Variants in ITGA9 observed in about 807,000 individuals in gnomAD.
ITGA9 encodes the protein integrin subunit alpha 9, also known as integrin alpha-9.
ITGA9 carries 56 observed loss-of-function variants against 127.8 expected under a neutral mutation model. That is an observed-to-expected ratio of 0.44 (90% confidence interval 0.35 to 0.55). The LOEUF is 0.55. Ranked by LOEUF, ITGA9 falls within the 20% of genes least tolerant of loss-of-function variation. The pLI is 0.00. For missense variants in ITGA9, 1,196 were observed against 1,347.1 expected, an observed-to-expected ratio of 0.89 and a Z score of 1.76; for synonymous variants, 508 against 514.5, an observed-to-expected ratio of 0.99 and a Z score of 0.17.
intron 16 of ITGA9, among the ~76,000 whole-genome samples, chr3:37,634,629 A>T (rs2105528): frequency 0.26 from 39,741 of 152,008 alleles, 5,271 homozygotes; most frequent in East Asian, 0.33. Flanking sequence ...TATGAGAGAG[A>T]TAGATTGCAG....
chr3:37,478,391 A>G lies in ITGA9; in HGVS notation c.421-3093A>G, dbSNP rs373641287. On this transcript the variant is annotated intron_variant, in intron 3 of 27. Coordinates refer to ENST00000264741, the MANE Select transcript of ITGA9 (RefSeq NM_002207.3). ...CCTCTAGGAGGGATGTGTTGTTTCC[A>G]TACAACAAAAAAGGCCTTTGAAATA... Among the ~76,000 whole-genome samples the G allele has an allele frequency of 4.0e-4, 61 of 152,298 alleles. 1 individual carries two copies. The East Asian group carries it at 0.011, about 27-fold the overall frequency.
At chr3:37,535,678 T>A (rs1699200908) in intron 14 of ITGA9, among the ~76,000 whole-genome samples, 1 of 152,196 alleles carries the variant, frequency 6.6e-6, no homozygotes, top group Admixed American at 6.5e-5. Context: ...TTCTCTTCCC[T>A]ATCCTCCATC....
At chr3:37,779,634 T>C (rs764425570) in intron 24 of ITGA9, among the ~76,000 whole-genome samples, 2 of 152,250 alleles carry the variant, frequency 1.3e-5, no homozygotes, top group Non-Finnish European at 2.9e-5. Context: ...TATTTCTCTT[T>C]GTGAATTCAT....
At chr3:37,657,130 A>G (rs772010676) in intron 17 of ITGA9, among the ~76,000 whole-genome samples, 6 of 152,232 alleles carry the variant, frequency 3.9e-5, no homozygotes, top group Non-Finnish European at 7.3e-5. Flanking sequence ...GATGTTCATC[A>G]GGGATATTGA....
intron 20 of ITGA9, among the ~76,000 whole-genome samples, chr3:37,737,795 A>G (rs1427808003): frequency 1.3e-5 from 2 of 152,264 alleles, no homozygotes; most frequent in African/African-American, 2.4e-5. Flanking sequence ...CAGAAGTCTT[A>G]CAAGAATAGT....
intron 15 of ITGA9, among the ~76,000 whole-genome samples, chr3:37,626,960 T>A (rs1700181415): frequency 6.6e-6 from 1 of 152,198 alleles, no homozygotes; most frequent in African/African-American, 2.4e-5. Flanking sequence ...AAGATTGCAT[T>A]CATTCATCCT....
chr3:37,619,549 G>T (rs938863327), intron 15 of ITGA9, among the ~76,000 whole-genome samples: 2 of 152,196 alleles, frequency 1.3e-5, no homozygotes, highest in African/African-American at 4.8e-5. Flanking sequence ...GGGATGGGGT[G>T]TTATCCTGCT....
intron 17 of ITGA9, among the ~76,000 whole-genome samples, chr3:37,683,630 T>A (rs1311171239): frequency 6.6e-6 from 1 of 152,200 alleles, no homozygotes; most frequent in Non-Finnish European, 1.5e-5. Flanking sequence ...CAAGATTTCA[T>A]GTGAGCCTCT....
chr3:37,687,915 G>T (rs1410241357), intron 18 of ITGA9, among the ~76,000 whole-genome samples: 1 of 152,194 alleles, frequency 6.6e-6, no homozygotes, highest in Non-Finnish European at 1.5e-5. Flanking sequence ...AGGAAGGCGT[G>T]CATTTATAAG....
chr3:37,542,593 C>T lies in ITGA9; in HGVS notation c.1689+8C>T. On this transcript the variant is annotated splice_region_variant and intron_variant, in intron 15 of 27. Coordinates refer to ENST00000264741, the MANE Select transcript of ITGA9 (RefSeq NM_002207.3). ...TATGTGGCCCATGTGAAGGTCAGTCCTCTCCTCCTTTTTATCCTCAAACTT... is the reference window on the plus strand; with the variant it reads ...TATGTGGCCCATGTGAAGGTCAGTCTTCTCCTCCTTTTTATCCTCAAACTT... 6.2e-7 allele frequency: 1 copy of T among 1,613,970 alleles called. No homozygotes were observed. Among genetic ancestry groups the T allele is most frequent in the Non-Finnish European group, 8.5e-7 (1 of 1,179,862 alleles).
At chr3:37,767,042 T>C (rs1408165686) in intron 23 of ITGA9, among the ~76,000 whole-genome samples, 7 of 152,236 alleles carry the variant, frequency 4.6e-5, no homozygotes, top group Admixed American at 3.9e-4. Flanking sequence ...GGCAGCCTGG[T>C]GGTGGTGGCC....
intron 12 of ITGA9, 98 bp from the exon 13 acceptor site, chr3:37,525,928 C>T (rs1699088458): frequency 1.0e-6 from 1 of 984,902 alleles, no homozygotes; most frequent in African/African-American, 1.6e-5. Flanking sequence ...GCTCTCCGGC[C>T]TCAAGGCTGG....
chr3:37,683,945 A>G lies in ITGA9; in HGVS notation c.1997A>G (p.Asp666Gly), dbSNP rs756568714. The G allele has an allele frequency of 1.1e-5, 17 of 1,613,936 alleles. No individual in the cohort carries two copies. The highest frequency in any genetic ancestry group is 1.3e-5 in the Non-Finnish European group (15 of 1,179,868). ...AACATCTCTATCTCCAACCTCGGAG[A>G]TGATGCCTATGATGCCAACGTGTCC... ...SLNISISNLG[D>G]DAYDANVSFN... The change falls in exon 18 of 28, where the codon GAT (aspartate) becomes GGT (glycine). Residue 666 changes from aspartate (D) to glycine (G), a missense_variant. By Grantham distance (94) the Asp-to-Gly change is moderately conservative. Transcript: ENST00000264741.
At chr3:37,678,852 A>G (rs925176951) in intron 17 of ITGA9, among the ~76,000 whole-genome samples, 5 of 152,234 alleles carry the variant, frequency 3.3e-5, no homozygotes, top group Non-Finnish European at 5.9e-5. Context: ...ATGTACAGTG[A>G]TGAATGAGGA....
intron 23 of ITGA9, among the ~76,000 whole-genome samples, chr3:37,750,935 T>G (rs573529675): frequency 2.6e-4 from 40 of 152,342 alleles, no homozygotes; most frequent in Middle Eastern, 3.4e-3. Context: ...TTGAGAGGAT[T>G]GTGAAAGCAT....
At chr3:37,618,388 C>T (rs1700095468) in intron 15 of ITGA9, among the ~76,000 whole-genome samples, 1 of 152,230 alleles carries the variant, frequency 6.6e-6, no homozygotes, top group South Asian at 2.1e-4. Context: ...GGATGCCTCC[C>T]AGTTAGGCTA....
At chr3:37,709,158 TAG>T (rs757339972) in intron 18 of ITGA9, among the ~76,000 whole-genome samples, 14 of 152,250 alleles carry the variant, frequency 9.2e-5, no homozygotes, top group Non-Finnish European at 2.1e-4. Context: ...AAGATTAAAT[TAG>T]ACATTCATGT....
intron 15 of ITGA9, among the ~76,000 whole-genome samples, chr3:37,563,380 G>T (rs763255484): frequency 3.8e-4 from 58 of 152,156 alleles, no homozygotes; most frequent in South Asian, 6.2e-4. Context: ...CCTAAATTTT[G>T]GATTGTCCTA....
intron 17 of ITGA9, among the ~76,000 whole-genome samples, chr3:37,674,746 G>A (rs1426330100): frequency 1.3e-5 from 2 of 152,218 alleles, no homozygotes; most frequent in African/African-American, 2.4e-5. Flanking sequence ...GGCCAGGGGT[G>A]TCTTTGGTCA....
Sources: gnomAD v4.1 joint callset for allele counts (sites outside exome capture counted in the v4.1 genomes callset) on GRCh38, gnomAD v4.1.1 for gene constraint, MANE v1.5 for transcripts, NCBI Gene and HGNC (gene_info 2026-07-23, HGNC 2026-07-21) for gene names.